The following LY96 variants were observed in gnomAD, a reference collection of about 807,000 sequenced individuals.
LY96 encodes lymphocyte antigen 96.
A neutral mutation model predicts 18.9 loss-of-function variants in LY96; 18 were observed. The observed-to-expected ratio is 0.95, with a 90% CI of 0.66 to 1.41. The LOEUF is 1.41. Ranked by LOEUF, LY96 falls within the 40% of genes most tolerant of loss-of-function variation. The pLI is 0.00. For missense variants in LY96, 175 were observed against 182.4 expected, an observed-to-expected ratio of 0.96 and a Z score of 0.23; for synonymous variants, 66 against 62.6, an observed-to-expected ratio of 1.06 and a Z score of -0.26.
At chr8:74,068,077 A>ATAT in the LY96 span, among the ~76,000 whole-genome samples, 91 of 98,490 alleles carry the variant, frequency 9.2e-4, 3 homozygotes, top group African/African-American at 5.4e-3. Context: ...AAAAAAAAAA[A>ATAT]AAAAAAAAAA....
At chr8:74,099,249 A>C in the LY96 span, among the ~76,000 whole-genome samples, 1 of 152,146 alleles carries the variant, frequency 6.6e-6, no homozygotes, top group Non-Finnish European at 1.5e-5. Flanking sequence ...AACCTTGAAA[A>C]CGGTCCTCAG....
At chr8:74,005,059 A>C (rs551335819) in intron 2 of LY96, among the ~76,000 whole-genome samples, 174 bp downstream of exon 2, 5 of 152,366 alleles carry the variant, frequency 3.3e-5, no homozygotes, top group African/African-American at 1.2e-4. Context: ...TTTGTTGATC[A>C]GTATTCTGGG....
At chr8:74,016,947 G>C (rs1034151085) in intron 3 of LY96, among the ~76,000 whole-genome samples, 1 of 152,206 alleles carries the variant, frequency 6.6e-6, no homozygotes, top group African/African-American at 2.4e-5. Context: ...AAGATGGGGA[G>C]CAACCAGAGC....
the LY96 span, among the ~76,000 whole-genome samples, chr8:74,074,446 T>A: frequency 6.6e-5 from 10 of 152,152 alleles, no homozygotes; most frequent in African/African-American, 2.4e-4. Context: ...CAGCTTTTAA[T>A]TTTGTTGATG....
At chr8:74,034,916 A>T in the LY96 span, among the ~76,000 whole-genome samples, 40 of 152,298 alleles carry the variant, frequency 2.6e-4, no homozygotes, top group East Asian at 7.5e-3. Context: ...AAAACAAGGG[A>T]CTTTGCCTAC....
intron 1 of LY96, among the ~76,000 whole-genome samples, chr8:73,994,691 T>C (rs538324075): frequency 2.6e-5 from 4 of 152,334 alleles, no homozygotes; most frequent in African/African-American, 9.6e-5. Flanking sequence ...TTTGCCATGT[T>C]GTCCATGCTG....
At chr8:74,081,087 C>CTCTT in the LY96 span, among the ~76,000 whole-genome samples, 27,695 of 93,002 alleles carry the variant, frequency 0.3, 4,975 homozygotes, top group Middle Eastern at 0.4. Flanking sequence ...TTCTCTTTCT[C>CTCTT]TCTTTCTTTC....
At chr8:74,073,921 G>T in the LY96 span, among the ~76,000 whole-genome samples, 1 of 152,032 alleles carries the variant, frequency 6.6e-6, no homozygotes. Flanking sequence ...GCCTCTCAAA[G>T]TGCTGGGATT....
At chr8:74,086,574 G>A in the LY96 span, among the ~76,000 whole-genome samples, 3 of 152,224 alleles carry the variant, frequency 2.0e-5, no homozygotes, top group East Asian at 1.9e-4. Flanking sequence ...AAAAATGGTC[G>A]GATATAATTC....
At chr8:74,056,054 G>T in the LY96 span, 10 of 157,576 alleles carry the variant, frequency 6.3e-5, no homozygotes, top group South Asian at 1.8e-3. Flanking sequence ...AACAAAAACT[G>T]CATCTGTTGG....
At chr8:74,070,370 C>T in the LY96 span, among the ~76,000 whole-genome samples, 12 of 152,278 alleles carry the variant, frequency 7.9e-5, no homozygotes, top group South Asian at 1.2e-3. Context: ...GGATTACAGG[C>T]GTGAGCCACC....
the LY96 span, among the ~76,000 whole-genome samples, chr8:74,041,850 T>C: frequency 6.6e-6 from 1 of 152,224 alleles, no homozygotes; most frequent in Admixed American, 6.5e-5. Context: ...CCTTTTGTCC[T>C]GTTTCCTCAG....
At chr8:74,047,168 G>T in the LY96 span, among the ~76,000 whole-genome samples, 6 of 152,152 alleles carry the variant, frequency 3.9e-5, no homozygotes. Context: ...GATTACAGGC[G>T]TGAGCCACAG....
At chr8:74,022,997 G>A (rs1051674918) in intron 3 of LY96, among the ~76,000 whole-genome samples, 10 of 152,158 alleles carry the variant, frequency 6.6e-5, no homozygotes, top group Admixed American at 5.9e-4. Flanking sequence ...CCCATATACG[G>A]AAGGGCCCCA....
chr8:74,074,357 T>G, the LY96 span, among the ~76,000 whole-genome samples: 5 of 152,218 alleles, frequency 3.3e-5, no homozygotes, highest in Non-Finnish European at 7.3e-5. Context: ...TTTGAATTTT[T>G]AATTATTTTG....
At chr8:74,002,820 C>T (rs965740721) in intron 1 of LY96, among the ~76,000 whole-genome samples, 16 of 152,054 alleles carry the variant, frequency 1.1e-4, no homozygotes, top group Non-Finnish European at 1.3e-4. Context: ...GTGATCTGCC[C>T]GCCTCGGCCT....
intron 3 of LY96, among the ~76,000 whole-genome samples, chr8:74,021,510 T>C (rs1028137029): frequency 1.3e-5 from 2 of 152,220 alleles, no homozygotes; most frequent in African/African-American, 4.8e-5. Flanking sequence ...GAAGACAGTG[T>C]GGCAATTCCT....
the LY96 span, among the ~76,000 whole-genome samples, chr8:74,044,503 T>C: frequency 2.0e-5 from 3 of 152,242 alleles, no homozygotes; most frequent in South Asian, 6.2e-4. Context: ...GTATGTAATA[T>C]GTTCTTACAG....
the LY96 span, among the ~76,000 whole-genome samples, chr8:74,037,712 C>T: frequency 6.6e-6 from 1 of 152,128 alleles, no homozygotes; most frequent in Non-Finnish European, 1.5e-5. Flanking sequence ...CATTCAATCA[C>T]CCAAGTCTGG....
Sources: allele counts gnomAD v4.1 joint callset (sites outside exome capture counted in the v4.1 genomes callset), GRCh38; gene constraint gnomAD v4.1.1; transcripts MANE v1.5; gene names NCBI Gene and HGNC (gene_info 2026-07-23, HGNC 2026-07-21).